ATRN: variants seen among roughly 807,000 people sequenced by gnomAD.
ATRN encodes attractin-2.
ATRN carries 54 observed loss-of-function variants against 178.7 expected under a neutral mutation model. The observed-to-expected ratio is 0.30, with a 90% CI of 0.24 to 0.38. The LOEUF is 0.38. Among genes scored for constraint, ATRN ranks in the 10% least tolerant of loss-of-function variants. The pLI is 1.00. For synonymous variants in ATRN, 636 were observed against 663.0 expected (o/e 0.96, Z 0.63); for missense variants, 1,443 against 1,815.1 (o/e 0.79, Z 3.73).
intron 1 of ATRN, among the ~76,000 whole-genome samples, chr20:3,523,000 CTCT>C (rs1408960088): frequency 2.0e-4 from 31 of 152,042 alleles, no homozygotes; most frequent in African/African-American, 7.0e-4. Context: ...ACAAGAACGC[CTCT>C]TCTTCTCCAG....
intron 1 of ATRN, among the ~76,000 whole-genome samples, chr20:3,507,324 G>C (rs987407840): frequency 6.6e-6 from 1 of 150,614 alleles, no homozygotes; most frequent in Non-Finnish European, 1.5e-5. Context: ...GCAGAGAATT[G>C]TTTAAACCCG....
At chr20:3,601,680 T>C (rs1163004172) in intron 23 of ATRN, among the ~76,000 whole-genome samples, 2 of 125,320 alleles carry the variant, frequency 1.6e-5, no homozygotes, top group Non-Finnish European at 3.2e-5. Flanking sequence ...CTGGGCAACA[T>C]AGTGAGACCC....
At chr20:3,546,708 T>C (rs1568721099) in intron 4 of ATRN, among the ~76,000 whole-genome samples, 2 of 152,112 alleles carry the variant, frequency 1.3e-5, no homozygotes, top group Non-Finnish European at 2.9e-5. Flanking sequence ...AATTCTTACA[T>C]TAAGTTAAAC....
intron 1 of ATRN, among the ~76,000 whole-genome samples, chr20:3,531,756 C>G (rs1027792789): frequency 6.6e-6 from 1 of 152,002 alleles, no homozygotes; most frequent in Non-Finnish European, 1.5e-5. Flanking sequence ...AAATGTTTAC[C>G]TTGGTCAAGG....
intron 1 of ATRN, among the ~76,000 whole-genome samples, chr20:3,484,084 T>TA (rs2084658727): frequency 6.6e-6 from 1 of 151,888 alleles, no homozygotes; most frequent in African/African-American, 2.4e-5. Flanking sequence ...CCCATCTCTA[T>TA]AAAAAAATTT....
At chr20:3,495,515 T>C (rs2084866227) in intron 1 of ATRN, among the ~76,000 whole-genome samples, 2 of 152,116 alleles carry the variant, frequency 1.3e-5, no homozygotes, top group South Asian at 2.1e-4. Flanking sequence ...GTTAACCTTT[T>C]TGTTTAAAGC....
At chr20:3,584,579 A>C in intron 17 of ATRN, 68 bp from the exon 18 acceptor site, 1 of 1,181,944 alleles carries the variant, frequency 8.5e-7, no homozygotes, top group Non-Finnish European at 1.2e-6. Flanking sequence ...AGTCTGTTAA[A>C]AAAAAAGTAA....
chr20:3,605,161 A>C (rs1166080475), intron 24 of ATRN, among the ~76,000 whole-genome samples: 1 of 152,202 alleles, frequency 6.6e-6, no homozygotes, highest in Non-Finnish European at 1.5e-5. Context: ...AAAAAGTTCA[A>C]CATCACTGAT....
At chr20:3,479,050 C>T (rs187747240) in intron 1 of ATRN, among the ~76,000 whole-genome samples, 2,943 of 151,766 alleles carry the variant, frequency 0.019, 57 homozygotes, top group Admixed American at 0.06. Flanking sequence ...GCCAGTGTGC[C>T]CAGCCAATTT....
chr20:3,532,437 T>C (rs988254996), intron 1 of ATRN, among the ~76,000 whole-genome samples: 1 of 152,234 alleles, frequency 6.6e-6, no homozygotes, highest in East Asian at 1.9e-4. Context: ...ATTCTTGGTG[T>C]TGGCTTTGTG....
At chr20:3,520,783 C>T (rs2085283872) in intron 1 of ATRN, among the ~76,000 whole-genome samples, 1 of 152,172 alleles carries the variant, frequency 6.6e-6, no homozygotes, top group South Asian at 2.1e-4. Context: ...AGGCATGAGC[C>T]AGCGTACCTG....
intron 27 of ATRN, among the ~76,000 whole-genome samples, chr20:3,641,984 A>G (rs2087072767): frequency 6.6e-6 from 1 of 152,244 alleles, no homozygotes; most frequent in South Asian, 2.1e-4. Flanking sequence ...TAAAAAATAG[A>G]CAAGCCTAAA....
At chr20:3,539,735 GT>G (rs35368383) in intron 2 of ATRN, among the ~76,000 whole-genome samples, 6 of 147,106 alleles carry the variant, frequency 4.1e-5, no homozygotes, top group Non-Finnish European at 6.0e-5. Flanking sequence ...GCTTAGTTTT[GT>G]TTTTTTTTTC....
At chr20:3,626,683 C>G (rs2086942583) in intron 25 of ATRN, among the ~76,000 whole-genome samples, 1 of 152,108 alleles carries the variant, frequency 6.6e-6, no homozygotes, top group East Asian at 1.9e-4. Context: ...TGTTTCCCCT[C>G]ACTCACAACC....
intron 25 of ATRN, among the ~76,000 whole-genome samples, chr20:3,625,702 C>T (rs1018380150): frequency 4.6e-5 from 7 of 152,152 alleles, no homozygotes; most frequent in Non-Finnish European, 1.0e-4. Flanking sequence ...TTCCCACCTC[C>T]TGCCCCCAAG....
chr20:3,522,967 C>G (rs1271116527), intron 1 of ATRN, among the ~76,000 whole-genome samples: 5 of 152,002 alleles, frequency 3.3e-5, no homozygotes, highest in Non-Finnish European at 5.9e-5. Flanking sequence ...AAAACCAGCG[C>G]AAAAAGGCTG....
intron 1 of ATRN, among the ~76,000 whole-genome samples, chr20:3,496,150 C>T (rs1481940275): frequency 1.3e-5 from 2 of 151,768 alleles, no homozygotes; most frequent in Non-Finnish European, 2.9e-5. Context: ...TCTCTATTTC[C>T]TTCAGTTCTG....
chr20:3,613,186 G>A (rs143131902), intron 24 of ATRN, among the ~76,000 whole-genome samples: 8 of 152,304 alleles, frequency 5.3e-5, no homozygotes, highest in African/African-American at 9.6e-5. Flanking sequence ...GAAAATAAAC[G>A]ATGGCATGCC....
chr20:3,482,600 G>A (rs2084637147), intron 1 of ATRN, among the ~76,000 whole-genome samples: 1 of 152,192 alleles, frequency 6.6e-6, no homozygotes, highest in Non-Finnish European at 1.5e-5. Flanking sequence ...AAGTACTGGA[G>A]ATATCAAGGA....
Sources: allele counts gnomAD v4.1 joint callset (sites outside exome capture counted in the v4.1 genomes callset), GRCh38; gene constraint gnomAD v4.1.1; transcripts MANE v1.5; gene names NCBI Gene and HGNC (gene_info 2026-07-23, HGNC 2026-07-21).